Variants in FERRY3 observed in about 807,000 individuals in gnomAD.
FERRY3 encodes protein C12orf4.
chr12:4,519,266 T>C, the FERRY3 span, among the ~76,000 whole-genome samples: 1 of 152,024 alleles, frequency 6.6e-6, no homozygotes, highest in Non-Finnish European at 1.5e-5. This position sits in a 1 kb window ranked among gnomAD's most constrained non-coding sequence, Gnocchi z 4.3. Flanking sequence ...AATCAGAAAA[T>C]AGATGAAGTG....
chr12:4,533,306 AC>A, the FERRY3 span, among the ~76,000 whole-genome samples: 2 of 152,118 alleles, frequency 1.3e-5, no homozygotes, highest in Admixed American at 1.3e-4. Context: ...CAAACCTCTG[AC>A]CTTGTGTTCC....
chr12:4,509,403 A>T, the FERRY3 span: 1 of 152,914 alleles, frequency 6.5e-6, no homozygotes, highest in African/African-American at 2.5e-5. Flanking sequence ...ACCACAGCTC[A>T]AGGAGGCCTG....
At chr12:4,537,726 CAGAA>C in the FERRY3 span, among the ~76,000 whole-genome samples, 2 of 152,014 alleles carry the variant, frequency 1.3e-5, no homozygotes, top group African/African-American at 4.8e-5. Context: ...TTGTTTTACT[CAGAA>C]AGAATTAAAA....
chr12:4,504,196 T>C, the FERRY3 span, among the ~76,000 whole-genome samples: 4 of 152,208 alleles, frequency 2.6e-5, no homozygotes, highest in African/African-American at 7.2e-5. Flanking sequence ...AAATGTAATG[T>C]GTTCCCACTG....
chr12:4,487,876 C>T, the FERRY3 span: 1 of 152,104 alleles, frequency 6.6e-6, no homozygotes, highest in African/African-American at 2.4e-5. Flanking sequence ...CTTTAAACCA[C>T]TCCCCCTCAA....
the FERRY3 span, among the ~76,000 whole-genome samples, chr12:4,515,766 A>G: frequency 2.0e-5 from 3 of 152,182 alleles, no homozygotes; most frequent in Non-Finnish European, 4.4e-5. Flanking sequence ...ATTCTAGTGT[A>G]TACTTGAAAT....
the FERRY3 span, among the ~76,000 whole-genome samples, chr12:4,507,961 C>T: frequency 6.6e-6 from 1 of 152,220 alleles, no homozygotes; most frequent in African/African-American, 2.4e-5. Context: ...GTTAGGGACA[C>T]TTTCACTGTA....
At chr12:4,536,005 A>G in the FERRY3 span, 10 of 1,520,704 alleles carry the variant, frequency 6.6e-6, 1 homozygote, top group Admixed American at 1.7e-4. Flanking sequence ...TAAAAAAAAA[A>G]ACAGTCCTCA....
chr12:4,496,451 A>G, the FERRY3 span, among the ~76,000 whole-genome samples: 11 of 152,360 alleles, frequency 7.2e-5, no homozygotes, highest in South Asian at 2.1e-3. Context: ...AAAAGTGACT[A>G]AATCTTAGTA....
At chr12:4,498,630 G>A in the FERRY3 span, among the ~76,000 whole-genome samples, 1 of 152,096 alleles carries the variant, frequency 6.6e-6, no homozygotes, top group Non-Finnish European at 1.5e-5. Flanking sequence ...ACCCTGTCTC[G>A]GAAGGACAAG....
the FERRY3 span, among the ~76,000 whole-genome samples, chr12:4,514,215 A>C: frequency 6.8e-6 from 1 of 146,836 alleles, no homozygotes; most frequent in African/African-American, 2.6e-5. Context: ...ACACCAGTTA[A>C]AATGGCAATC....
At chr12:4,534,339 T>G in the FERRY3 span, 1 of 1,561,586 alleles carries the variant, frequency 6.4e-7, no homozygotes, top group Non-Finnish European at 8.6e-7. Flanking sequence ...GTCAGCAAAA[T>G]CCAGGTATAA....
At chr12:4,488,358 T>C in the FERRY3 span, 1 of 152,272 alleles carries the variant, frequency 6.6e-6, no homozygotes, top group South Asian at 2.1e-4. The surrounding 1 kb of genome is among the most constrained non-coding windows in gnomAD (Gnocchi z 4.9). Context: ...TCTTCCCTGC[T>C]TTGCATTAGA....
the FERRY3 span, among the ~76,000 whole-genome samples, chr12:4,524,187 AC>A: frequency 6.6e-6 from 1 of 152,282 alleles, no homozygotes. Flanking sequence ...TATATATTTT[AC>A]ATTTTGGCTC....
the FERRY3 span, chr12:4,534,174 C>A: frequency 6.2e-7 from 1 of 1,608,008 alleles, no homozygotes; most frequent in East Asian, 2.2e-5. Flanking sequence ...TAAGCTTTGG[C>A]CCATGTACTC....
chr12:4,518,105 A>AC, the FERRY3 span: 1 of 1,613,904 alleles, frequency 6.2e-7, no homozygotes, highest in Non-Finnish European at 8.5e-7. Flanking sequence ...TACTAGTAAA[A>AC]CCAGGCCACA....
chr12:4,516,059 A>G, the FERRY3 span, among the ~76,000 whole-genome samples: 1 of 152,168 alleles, frequency 6.6e-6, no homozygotes, highest in African/African-American at 2.4e-5. Context: ...TTTTTTTTTA[A>G]AAGAACCAAA....
chr12:4,529,720 C>A, the FERRY3 span: 1 of 639,288 alleles, frequency 1.6e-6, no homozygotes, highest in Non-Finnish European at 2.5e-6. Flanking sequence ...TGTAGTTACA[C>A]ATTTAAACAT....
chr12:4,516,734 A>T, the FERRY3 span, among the ~76,000 whole-genome samples: 2 of 152,180 alleles, frequency 1.3e-5, no homozygotes, highest in African/African-American at 4.8e-5. Flanking sequence ...CATCAGGAAG[A>T]ATAGGTAATA....
Sources: allele counts gnomAD v4.1 joint callset (sites outside exome capture counted in the v4.1 genomes callset), GRCh38; gene constraint gnomAD v4.1.1; non-coding constraint Gnocchi (gnomAD v3.1); transcripts MANE v1.5; gene names NCBI Gene and HGNC (gene_info 2026-07-23, HGNC 2026-07-21).